Variants in SLC15A2 observed in about 807,000 individuals in gnomAD.
SLC15A2 encodes the protein solute carrier family 15 member 2.
Under a neutral mutation model 95.5 loss-of-function variants are expected in SLC15A2, and 77 were observed. That is an observed-to-expected ratio of 0.81 (90% CI 0.67 to 0.97). The LOEUF is 0.97. Ranked by LOEUF, SLC15A2 falls within the 50% of genes least tolerant of loss-of-function variation. SLC15A2 has a pLI of 0.00. For synonymous variants in SLC15A2, 306 were observed against 306.9 expected (o/e 1.00, Z 0.03); for missense variants, 893 against 874.4 (o/e 1.02, Z -0.27).
Position 121,943,192 on chromosome 3 carries a change from G to A in SLC15A2, c.*2185G>A, listed in dbSNP as rs1710491493. ...GAAGCAGAAGAATTGCTTGAACCCG[G>A]GAGGCAGAGGTTGCAATGAGCCGAG... is the stretch of plus-strand genomic sequence containing the variant. On this transcript the variant is annotated 3_prime_UTR_variant, in exon 22 of 22. Coordinates refer to ENST00000489711, the MANE Select transcript of SLC15A2 (RefSeq NM_021082.4). 6.6e-6 allele frequency: 1 copy of A among 152,102 alleles called. No homozygotes were observed. Among genetic ancestry groups the A allele is most frequent in the Non-Finnish European group, 1.5e-5 (1 of 68,078 alleles). 9.4% of individuals were successfully genotyped at this position (152,102 alleles called of 1,614,324 possible).
rs567933861 is a variant in SLC15A2, at chr3:121,906,576, T to A, written c.336-4998T>A. The stretch of plus-strand genomic sequence containing the variant: ...CTGGTGGTGACAAAATCTCTTAGCA[T>A]TTGCTTGCCTGTAAAGGATTTTATT... On this transcript the variant is annotated intron_variant, in intron 3 of 21. Transcript: ENST00000489711. 1.6e-4 allele frequency among the ~76,000 whole-genome samples: 24 copies of A among 152,324 alleles called. No homozygotes were observed. The South Asian group carries it at 5.0e-3, about 32-fold the overall frequency.
chr3:121,899,209 T>C (rs3805134), intron 3 of SLC15A2, among the ~76,000 whole-genome samples: 67,971 of 152,004 alleles, frequency 0.45, 15,723 homozygotes, highest in East Asian at 0.69. Flanking sequence ...TAACAACCTC[T>C]ACTTGTGCTC....
chr3:121,930,863 A>T lies in SLC15A2; in HGVS notation c.1577A>T (p.Asp526Val). The part of the protein sequence containing the change: ...TVRFVNTLHK[D>V]VNISLSTDTS... ...AGGTTTGTTAACACTTTGCATAAAG[A>T]TGTCAACATCTCCCTGAGTACAGAT... The change falls in exon 18 of 22, where the codon GAT becomes GTT. Residue 526 changes from aspartate (D) to valine (V), a missense_variant. Coordinates refer to ENST00000489711, the MANE Select transcript of SLC15A2 (RefSeq NM_021082.4). The T allele has an allele frequency of 6.2e-7, 1 of 1,611,840 alleles. No homozygotes were observed. Among genetic ancestry groups the T allele is most frequent in the Non-Finnish European group, 8.5e-7 (1 of 1,177,924 alleles).
At chr3:121,924,462 C>A in intron 12 of SLC15A2, 79 bp downstream of exon 12, 2 of 1,235,480 alleles carry the variant, frequency 1.6e-6, no homozygotes, top group Non-Finnish European at 2.4e-6. Context: ...CGATTAACAA[C>A]CATAATTTGA....
At chr3:121,921,807 G>C (rs1383667197) in intron 7 of SLC15A2, among the ~76,000 whole-genome samples, 2 of 151,964 alleles carry the variant, frequency 1.3e-5, no homozygotes, top group Non-Finnish European at 2.9e-5. Flanking sequence ...TGAAAGAGGG[G>C]GCAAATAGGC....
intron 11 of SLC15A2, 55 bp from the exon 12 acceptor site, chr3:121,924,296 A>ATTTTTTTTT: frequency 1.4e-6 from 2 of 1,410,998 alleles, no homozygotes; most frequent in South Asian, 1.2e-5. Flanking sequence ...CTAGGCCAAC[A>ATTTTTTTTT]TTTTTTTTTC....
intron 19 of SLC15A2, among the ~76,000 whole-genome samples, chr3:121,937,017 C>T (rs1412248433): frequency 6.6e-6 from 1 of 151,432 alleles, no homozygotes; most frequent in African/African-American, 2.4e-5. Flanking sequence ...TTCTCCTTCA[C>T]TTATGAAGCT....
At chr3:121,896,318 T>C in intron 1 of SLC15A2, 88 bp from the exon 2 acceptor site, 1 of 1,026,796 alleles carries the variant, frequency 9.7e-7, no homozygotes, top group South Asian at 1.3e-5. Context: ...TGATTTGAAA[T>C]AAATGAATTT....
intron 18 of SLC15A2, among the ~76,000 whole-genome samples, chr3:121,931,386 G>T (rs780402095): frequency 6.6e-6 from 1 of 152,208 alleles, no homozygotes; most frequent in African/African-American, 2.4e-5. Context: ...GTTAACAAAA[G>T]AATATGATTT....
At chr3:121,940,576 C>A in intron 21 of SLC15A2, 88 bp downstream of exon 21, 2 of 1,105,462 alleles carry the variant, frequency 1.8e-6, no homozygotes, top group East Asian at 2.5e-5. Context: ...CTCTGCTTCC[C>A]ACATTCCCCA....
rs1710031199 is a variant in SLC15A2 at position 121,922,753 on chromosome 3, T to C, written c.781-22T>C. 5 of 1,585,318 alleles carry C rather than the reference T, an allele frequency of 3.2e-6. No individual in the cohort carries two copies. The South Asian group carries it at 4.5e-5, about 14-fold the overall frequency. On this transcript the variant is annotated intron_variant, in intron 8 of 21. Transcript: ENST00000489711. ...GATGTTTTTCTCTTTGTCTCTCCCA[T>C]GATGTCTACTCTCTGCCCTAGTTTG...
rs961999121 is a variant in SLC15A2 at position 121,943,957 on chromosome 3, A to G, written c.*2950A>G. 2.0e-5 allele frequency: 3 copies of G among 152,232 alleles called. No homozygotes were observed. The highest frequency in any genetic ancestry group is 4.4e-5 in the Non-Finnish European group (3 of 68,042). The allele number at this position is 152,232 out of a possible 1,614,324, so 9.4% of individuals were successfully genotyped here. A position where few individuals can be genotyped will look rare whatever the true frequency, so the allele number is the denominator to read the frequency against. ...CTTTACACATTATATAGATGTATCA[A>G]ATTATTCATATGTGCTCTGAAAATG... On this transcript the variant is annotated 3_prime_UTR_variant, in exon 22 of 22. Coordinates refer to ENST00000489711, the MANE Select transcript of SLC15A2 (RefSeq NM_021082.4).
intron 3 of SLC15A2, among the ~76,000 whole-genome samples, chr3:121,904,183 T>C: frequency 6.6e-6 from 1 of 152,190 alleles, no homozygotes; most frequent in East Asian, 1.9e-4. Flanking sequence ...ATGCTTGTGA[T>C]TTTTGTACAT....
intron 5 of SLC15A2, among the ~76,000 whole-genome samples, chr3:121,913,921 C>T (rs1709825101): frequency 6.7e-6 from 1 of 149,064 alleles, no homozygotes; most frequent in Admixed American, 6.7e-5. Context: ...TTCTCCCCCA[C>T]TCCTTCTCTC....
chr3:121,921,734 C>T (rs1220820814), intron 7 of SLC15A2, among the ~76,000 whole-genome samples: 1 of 151,496 alleles, frequency 6.6e-6, no homozygotes, highest in Admixed American at 6.6e-5. Flanking sequence ...TAGTTGGTGG[C>T]CATTTTAATA....
At chr3:121,936,934 T>C (rs1710359609) in intron 19 of SLC15A2, among the ~76,000 whole-genome samples, 2 of 151,234 alleles carry the variant, frequency 1.3e-5, no homozygotes, top group South Asian at 4.3e-4. Context: ...AGCACTTCCT[T>C]CAGGAGCTCT....
Position 121,894,510 on chromosome 3 carries a change from ACT to A in SLC15A2, c.37_38del (p.Leu13PhefsTer7). ...TTTCCAGAAAAATGAGTCCAAGGAA[ACT>A]CTTTTTTCACCTGTCTCCATTGAAG... The part of the protein sequence containing the change: ...NPFQKNESKE[T>X]LFSPVSIEEV... On this transcript the variant is annotated frameshift_variant, in exon 1 of 22. Transcript: ENST00000489711. LOFTEE classifies it high-confidence loss of function. 2 of 1,612,760 alleles carry A rather than the reference ACT, an allele frequency of 1.2e-6. No homozygotes were observed. The highest frequency in any genetic ancestry group is 1.7e-6 in the Non-Finnish European group (2 of 1,179,390).
rs189829947 is a variant in SLC15A2, at chr3:121,916,639, T to G, written c.697+946T>G. Among the ~76,000 whole-genome samples, 779 of 152,254 alleles carry G rather than the reference T, an allele frequency of 5.1e-3. 8 individuals carry two copies. Among genetic ancestry groups the G allele is most frequent in the African/African-American group, 0.018 (727 of 41,536 alleles). ...AATATTTTCCCAAATATTTGCATGA[T>G]AATAATATTTACATAACAGAGTAAT... On this transcript the variant is annotated intron_variant, in intron 7 of 21. Coordinates refer to ENST00000489711, the MANE Select transcript of SLC15A2 (RefSeq NM_021082.4).
intron 13 of SLC15A2, 89 bp from the exon 14 acceptor site, chr3:121,927,669 A>G: frequency 4.4e-6 from 4 of 917,972 alleles, no homozygotes; most frequent in Non-Finnish European, 7.2e-6. Flanking sequence ...GAACAGTCTA[A>G]TGCAGTCTTT....
Sources: gnomAD v4.1 joint callset for allele counts (sites outside exome capture counted in the v4.1 genomes callset) on GRCh38, gnomAD v4.1.1 for gene constraint, MANE v1.5 for transcripts, NCBI Gene and HGNC (gene_info 2026-07-23, HGNC 2026-07-21) for gene names.